The following TMEM8B variants were observed in gnomAD, a reference collection of about 807,000 sequenced individuals.
TMEM8B encodes nasopharyngeal carcinoma expressed 6.
In TMEM8B, 29 loss-of-function variants were observed where a neutral mutation model predicts 49.3. The ratio of observed to expected loss-of-function variants is 0.59; its 90% CI spans 0.44 to 0.80. The LOEUF (loss-of-function observed/expected upper bound fraction) is 0.80. Ranked by LOEUF, TMEM8B falls within the 30% of genes least tolerant of loss-of-function variation. The pLI is 0.00. For synonymous variants in TMEM8B, 264 were observed against 272.8 expected (o/e 0.97, Z 0.32); for missense variants, 575 against 658.5 (o/e 0.87, Z 1.39).
At position 35,841,692 on chromosome 9, in the gene TMEM8B, C is replaced by G. The variant is rs1487801512; in HGVS notation, c.1207C>G (p.Leu403Val). ...CGGASGCQLE[L>V]ALPPWGHWVY... is the part of the protein sequence containing the mutation. Reference sequence around the variant, plus strand: ...AGGTGCCTCAGGATGCCAGCTGGAGCTGGCACTGCCCCCCTGGGGGCACTG... The same window carrying G: ...AGGTGCCTCAGGATGCCAGCTGGAGGTGGCACTGCCCCCCTGGGGGCACTG... Residue 403 changes from leucine (L) to valine (V), a missense_variant, in exon 5 of 13, where the codon CTG becomes GTG. Physicochemically the swap from Leu to Val is conservative, Grantham distance 32. Transcript: ENST00000643932. The surrounding 1 kb of genome is among the most constrained non-coding windows in gnomAD (Gnocchi z 5.9). 1 of 415,788 alleles carries G rather than the reference C, an allele frequency of 2.4e-6. No individual in the cohort carries two copies. The highest frequency in any genetic ancestry group is 4.4e-6 in the Non-Finnish European group (1 of 226,478). 25.8% of individuals were successfully genotyped at this position (415,788 alleles called of 1,614,324 possible). A position where few individuals can be genotyped will look rare whatever the true frequency, so the allele number is the denominator to read the frequency against.
In TMEM8B at chr9:35,853,143, G is replaced by T. The variant is rs758644383; in HGVS notation, c.2325G>T (p.Val775=). Residue 775 remains valine (V), a splice_region_variant and synonymous_variant, in exon 12 of 13, where the codon GTG becomes GTT. Transcript: ENST00000643932. This position sits in a 1 kb window ranked among gnomAD's most constrained non-coding sequence, Gnocchi z 4.2. ...AGCCCTTGAGTCTCTTTCTCTAGGT[G>T]CTGTATTTGCTGGGAGCTATGCTGC... ...MARLQPVVKQ[V]LYLLGAMLLS... is the part of the protein sequence containing the mutation. 3.1e-6 allele frequency: 5 copies of T among 1,613,776 alleles called. No homozygotes were observed. The highest frequency in any genetic ancestry group is 4.2e-6 in the Non-Finnish European group (5 of 1,179,662).
Position 35,854,038 on chromosome 9 carries a change from A to AT in TMEM8B, c.*199dup. ...TCCTGAGGGCCTGGAGTCCCCCTGC[A>AT]TCATGGAGTCCTTCTTAAGGACTGG... On this transcript the variant is annotated 3_prime_UTR_variant, in exon 13 of 13. Transcript: ENST00000643932. 7.6e-7 allele frequency: 1 copy of AT among 1,307,810 alleles called. No homozygotes were observed. The highest frequency in any genetic ancestry group is 9.7e-7 in the Non-Finnish European group (1 of 1,033,464). 81.0% of individuals were successfully genotyped at this position (1,307,810 alleles called of 1,614,324 possible). A position where few individuals can be genotyped will look rare whatever the true frequency, so the allele number is the denominator to read the frequency against.
rs546890324 is a variant in TMEM8B at position 35,854,096 on chromosome 9, A to G, written c.*256A>G. 122 of 1,135,872 alleles carry G rather than the reference A, an allele frequency of 1.1e-4. No individual in the cohort carries two copies. Among genetic ancestry groups the G allele is most frequent in the Admixed American group, 1.6e-4 (4 of 24,880 alleles). The allele number at this position is 1,135,872 out of a possible 1,614,324, so 70.4% of individuals were successfully genotyped here. On this transcript the variant is annotated 3_prime_UTR_variant, in exon 13 of 13. Coordinates refer to ENST00000643932, the MANE Select transcript of TMEM8B (RefSeq NM_001042590.4). ...GCAGGCACAGAGTCCCTCAGGACCAAGGAGTCCCTCCTGCAGGTGTGGAGC... is the reference window on the plus strand; with the variant it reads ...GCAGGCACAGAGTCCCTCAGGACCAGGGAGTCCCTCCTGCAGGTGTGGAGC...
intron 3 of TMEM8B, among the ~76,000 whole-genome samples, chr9:35,837,748 T>C (rs1349187309): frequency 6.6e-6 from 1 of 152,182 alleles, no homozygotes; most frequent in Non-Finnish European, 1.5e-5. Context: ...CCTTTTCACG[T>C]CCTTTCCTTG....
Position 35,853,502 on chromosome 9 carries a change from C to T in TMEM8B, c.2440-3C>T, listed in dbSNP as rs763818710. 1.2e-5 allele frequency: 20 copies of T among 1,609,664 alleles called. No homozygotes were observed. In the East Asian group the frequency reaches 2.2e-4, roughly 18 times the overall value. On this transcript the variant is annotated splice_polypyrimidine_tract_variant and splice_region_variant and intron_variant, in intron 12 of 12. Coordinates refer to ENST00000643932, the MANE Select transcript of TMEM8B (RefSeq NM_001042590.4). This position sits in a 1 kb window ranked among gnomAD's most constrained non-coding sequence, Gnocchi z 4.2. The stretch of plus-strand genomic sequence containing the variant: ...CTGAGCCCCACTTCTCTGTCTCCCC[C>T]AGACAGTACGCAGCGTCCGCCGCCG...
rs200390811 is a variant in TMEM8B, at chr9:35,852,856, C to T, written c.2205C>T (p.Ile735=). 4.4e-4 allele frequency: 704 copies of T among 1,614,174 alleles called. 3 individuals are homozygous for T. In the African/African-American group the frequency reaches 8.0e-3, roughly 18 times the overall value. ...ATCATGCCTGTGACCAGCCAGGCAT[C>T]GTGGTTTTCTGCATCATGGACTACG... The part of the protein sequence containing the change: ...TFYHACDQPG[I]VVFCIMDYDV... The change falls in exon 11 of 13, where the codon ATC becomes ATT. Residue 735 remains isoleucine (I), a synonymous_variant. Transcript: ENST00000643932.
rs1832334632 is a variant in TMEM8B at position 35,853,425 on chromosome 9, G to A, written c.2440-80G>A. 3 of 1,539,192 alleles carry A rather than the reference G, an allele frequency of 1.9e-6. No homozygotes were observed. Among genetic ancestry groups the A allele is most frequent in the Non-Finnish European group, 1.7e-6 (2 of 1,143,614 alleles). ...GTCTTTAGGTCACAACCAGGATACA[G>A]AGGAAACCTGAGAGTGACCAGCTCT... On this transcript the variant is annotated intron_variant, in intron 12 of 12. Transcript: ENST00000643932. This position sits in a 1 kb window ranked among gnomAD's most constrained non-coding sequence, Gnocchi z 4.2.
rs866297938 is a variant in TMEM8B, at chr9:35,834,318, T to C, written c.509-143T>C. On this transcript the variant is annotated intron_variant, in intron 1 of 12. Transcript: ENST00000643932. Reference sequence around the variant, plus strand: ...AACCAGATGATGGCTAGGTTTCAGATCTGCAGCCTGAAACCCAGTTCCTGG... The same window carrying C: ...AACCAGATGATGGCTAGGTTTCAGACCTGCAGCCTGAAACCCAGTTCCTGG... 4.3e-5 allele frequency: 17 copies of C among 397,712 alleles called. No homozygotes were observed. The South Asian group carries it at 1.6e-3, about 37-fold the overall frequency. The allele number at this position is 397,712 out of a possible 1,614,324, so 24.6% of individuals were successfully genotyped here. A position where few individuals can be genotyped will look rare whatever the true frequency, so the allele number is the denominator to read the frequency against.
At chr9:35,851,616 C>T (rs535409009) in intron 10 of TMEM8B, among the ~76,000 whole-genome samples, 2 of 152,164 alleles carry the variant, frequency 1.3e-5, no homozygotes, top group Non-Finnish European at 2.9e-5. Context: ...CATCCTTAGG[C>T]AGTCTCTTTT....
chr9:35,845,316 GT>G (rs1831414070), intron 6 of TMEM8B: 1 of 849,026 alleles, frequency 1.2e-6, no homozygotes, highest in African/African-American at 1.8e-5. Flanking sequence ...TGATTTTTAA[GT>G]TTCCCTCAGG....
intron 3 of TMEM8B, among the ~76,000 whole-genome samples, chr9:35,836,620 T>C (rs1003113427): frequency 6.6e-6 from 1 of 152,040 alleles, no homozygotes; most frequent in Admixed American, 6.5e-5. Context: ...CAATGGGGAA[T>C]AGAGATAGTA....
At chr9:35,834,700 T>C in intron 2 of TMEM8B, 50 bp downstream of exon 2, 1 of 415,434 alleles carries the variant, frequency 2.4e-6, no homozygotes, top group East Asian at 3.6e-5. Flanking sequence ...CCTGACCACT[T>C]TCCAGACTAA....
chr9:35,850,508 T>C lies in TMEM8B; in HGVS notation c.2176-2319T>C, dbSNP rs78109861. Among the ~76,000 whole-genome samples, 664 of 152,334 alleles carry C rather than the reference T, an allele frequency of 4.4e-3. 4 individuals carry two copies. Among genetic ancestry groups the C allele is most frequent in the African/African-American group, 0.015 (635 of 41,570 alleles). On this transcript the variant is annotated intron_variant, in intron 10 of 12. Transcript: ENST00000643932. ...TCACACTACAATTTTAATTTAACTC[T>C]ACCCCTGTGGATTTTTCACAACCTT...
rs1277976119 is a variant in TMEM8B at position 35,864,603 on chromosome 9, T to C, written c.*10763T>C. 1.3e-5 allele frequency: 2 copies of C among 152,240 alleles called. No individual in the cohort carries two copies. The highest frequency in any genetic ancestry group is 4.8e-5 in the African/African-American group (2 of 41,456). 9.4% of individuals were successfully genotyped at this position (152,240 alleles called of 1,614,324 possible). On this transcript the variant is annotated 3_prime_UTR_variant, in exon 13 of 13. Coordinates refer to ENST00000643932, the MANE Select transcript of TMEM8B (RefSeq NM_001042590.4). Reference sequence around the variant, plus strand: ...TTTAAGGATCCAGTGACAGGAAGCATGCGAAGCTCTTAGAACAGAGCCTGG... The same window carrying C: ...TTTAAGGATCCAGTGACAGGAAGCACGCGAAGCTCTTAGAACAGAGCCTGG...
rs956818142 is a variant in TMEM8B at position 35,834,517 on chromosome 9, C to T, written c.565C>T (p.Arg189Cys). The T allele has an allele frequency of 4.8e-6, 2 of 414,924 alleles. No individual in the cohort carries two copies. Among genetic ancestry groups the T allele is most frequent in the African/African-American group, 4.2e-5 (2 of 48,086 alleles). The allele number at this position is 414,924 out of a possible 1,614,324, so 25.7% of individuals were successfully genotyped here. Residue 189 changes from arginine to cysteine, a missense_variant, in exon 2 of 13, where the codon CGC (arginine) becomes TGC (cysteine). Transcript: ENST00000643932. Reference sequence around the variant, plus strand: ...CTCACCCCGCAAGCTGAGTCCTTTCCGCTCCTTTGCCAGCACCGAGCTCTT... The same window carrying T: ...CTCACCCCGCAAGCTGAGTCCTTTCTGCTCCTTTGCCAGCACCGAGCTCTT... ...TCSPRKLSPF[R>C]SFASTELFHF...
intron 2 of TMEM8B, 98 bp from the exon 3 acceptor site, chr9:35,834,913 T>G (rs1342307791): frequency 4.8e-6 from 2 of 414,786 alleles, no homozygotes; most frequent in African/African-American, 4.1e-5. Context: ...TCTATTTGTT[T>G]TATCGGTGAA....
rs1291530746 is a variant in TMEM8B, at chr9:35,853,215, T to C, written c.2397T>C (p.Leu799=). 6.2e-7 allele frequency: 1 copy of C among 1,614,112 alleles called. No individual in the cohort carries two copies. The highest frequency in any genetic ancestry group is 8.5e-7 in the Non-Finnish European group (1 of 1,179,980). ...ACCGACATGGACTCTGGAACCTGCT[T>C]GGACCCAGTCTCTTCGCCCTGGGGA... is the stretch of plus-strand genomic sequence containing the variant. ...QLDRHGLWNL[L]GPSLFALGIL... The change falls in exon 12 of 13, where the codon CTT becomes CTC. Residue 799 remains leucine, a synonymous_variant. Transcript: ENST00000643932. The surrounding 1 kb of genome is among the most constrained non-coding windows in gnomAD (Gnocchi z 4.2).
intron 1 of TMEM8B, among the ~76,000 whole-genome samples, chr9:35,832,352 G>A (rs559119186): frequency 1.4e-3 from 219 of 152,214 alleles, no homozygotes; most frequent in African/African-American, 4.7e-3. Context: ...TGTTCAAACC[G>A]CAAACCAAAG....
At position 35,858,554 on chromosome 9, in the gene TMEM8B, G is replaced by A. The variant is rs1168190895; in HGVS notation, c.*4714G>A. ...GCAGCCCGTGAAGGATAGATGGTCA[G>A]GATAAAGAAAGCCAAACCTCCCATA... On this transcript the variant is annotated 3_prime_UTR_variant, in exon 13 of 13. Transcript: ENST00000643932. 6.6e-6 allele frequency: 1 copy of A among 152,230 alleles called. No homozygotes were observed. Among genetic ancestry groups the A allele is most frequent in the Non-Finnish European group, 1.5e-5 (1 of 68,062 alleles). 9.4% of individuals were successfully genotyped at this position (152,230 alleles called of 1,614,324 possible).
Sources: gnomAD v4.1 joint callset for allele counts (sites outside exome capture counted in the v4.1 genomes callset) on GRCh38, gnomAD v4.1.1 for gene constraint, Gnocchi (gnomAD v3.1) non-coding constraint, MANE v1.5 for transcripts, NCBI Gene and HGNC (gene_info 2026-07-23, HGNC 2026-07-21) for gene names.